The following CNTN4 variants were observed in gnomAD, a reference collection of about 807,000 sequenced individuals.
The protein encoded by CNTN4 is contactin-4.
CNTN4 carries 77 observed loss-of-function variants against 122.5 expected under a neutral mutation model. That is an observed-to-expected ratio of 0.63 (90% CI 0.52 to 0.76). The LOEUF (loss-of-function observed/expected upper bound fraction) is 0.76, where lower values mean the gene tolerates loss of function less well. Ranked by LOEUF, CNTN4 falls within the 30% of genes least tolerant of loss-of-function variation. The pLI, the probability that CNTN4 is intolerant of heterozygous loss-of-function variation, is 0.00. For missense variants in CNTN4, 1,256 were observed against 1,259.1 expected (o/e 1.00, Z 0.04); for synonymous variants, 512 against 447.0 (o/e 1.15, Z -1.83).
intron 4 of CNTN4, among the ~76,000 whole-genome samples, chr3:2,592,173 G>T (rs993030231): frequency 1.3e-5 from 2 of 152,090 alleles, no homozygotes; most frequent in African/African-American, 4.8e-5. Flanking sequence ...GAGCCACTGT[G>T]CCCGGCCTTC....
At chr3:2,127,285 ATCAGAGAACTT>A (rs1305288025) in intron 2 of CNTN4, among the ~76,000 whole-genome samples, 2 of 152,142 alleles carry the variant, frequency 1.3e-5, no homozygotes, top group African/African-American at 4.8e-5. Context: ...AGCCAAGTCC[ATCAGAGAACTT>A]TCAGAAGTAC....
intron 2 of CNTN4, among the ~76,000 whole-genome samples, chr3:2,160,922 C>T (rs2035939542): frequency 6.6e-6 from 1 of 151,478 alleles, no homozygotes; most frequent in African/African-American, 2.4e-5. Context: ...AGGTATAATC[C>T]CTCTTGCCTG....
intron 13 of CNTN4, among the ~76,000 whole-genome samples, chr3:2,963,395 T>C (rs1203529604): frequency 6.6e-6 from 1 of 152,244 alleles, no homozygotes; most frequent in Admixed American, 6.5e-5. Context: ...GGCGTCAAGA[T>C]GGTCTAGAAA....
chr3:2,991,062 A>G (rs1357162503), intron 14 of CNTN4, among the ~76,000 whole-genome samples: 1 of 152,194 alleles, frequency 6.6e-6, no homozygotes, highest in Non-Finnish European at 1.5e-5. Context: ...TGAAGATGGT[A>G]TATGTGAATG....
chr3:2,800,006 A>G (rs939933944), intron 6 of CNTN4, among the ~76,000 whole-genome samples: 2 of 150,258 alleles, frequency 1.3e-5, no homozygotes, highest in African/African-American at 4.9e-5. Flanking sequence ...CTATTTTTAT[A>G]CCAGTTCCAT....
chr3:2,871,367 T>C (rs189919300), intron 8 of CNTN4, among the ~76,000 whole-genome samples: 104 of 152,334 alleles, frequency 6.8e-4, no homozygotes, highest in Admixed American at 9.8e-4. Flanking sequence ...AGTGTATAGA[T>C]CATATTATTC....
intron 2 of CNTN4, among the ~76,000 whole-genome samples, chr3:2,167,426 A>G (rs1354449108): frequency 6.6e-6 from 1 of 152,232 alleles, no homozygotes; most frequent in African/African-American, 2.4e-5. Flanking sequence ...GGCTATTTTT[A>G]CCAAAAAATC....
At chr3:2,678,550 T>C (rs1305524249) in intron 4 of CNTN4, among the ~76,000 whole-genome samples, 1 of 152,210 alleles carries the variant, frequency 6.6e-6, no homozygotes, top group Non-Finnish European at 1.5e-5. Flanking sequence ...AGTTGCTTGA[T>C]GTAAGTGACC....
At chr3:2,865,674 T>C (rs987303485) in intron 7 of CNTN4, among the ~76,000 whole-genome samples, 3 of 152,174 alleles carry the variant, frequency 2.0e-5, no homozygotes, top group African/African-American at 7.2e-5. Flanking sequence ...ATCTGGAAAT[T>C]ACACTTTAAA....
intron 13 of CNTN4, among the ~76,000 whole-genome samples, chr3:2,936,588 C>T (rs1162326723): frequency 6.6e-6 from 1 of 152,120 alleles, no homozygotes; most frequent in Non-Finnish European, 1.5e-5. Context: ...CACCTTTACC[C>T]TCAGTTTTTG....
chr3:2,952,479 C>A (rs1475684467), intron 13 of CNTN4, among the ~76,000 whole-genome samples: 1 of 152,144 alleles, frequency 6.6e-6, no homozygotes, highest in African/African-American at 2.4e-5. Flanking sequence ...ATGGCTCTAA[C>A]CTCTAACCAC....
intron 14 of CNTN4, among the ~76,000 whole-genome samples, chr3:3,016,670 C>A (rs1365983480): frequency 6.6e-6 from 1 of 152,134 alleles, no homozygotes; most frequent in Non-Finnish European, 1.5e-5. Flanking sequence ...TAAATAGGTG[C>A]TTTATGCTAC....
chr3:2,648,441 C>A (rs1462364922), intron 4 of CNTN4, among the ~76,000 whole-genome samples: 1 of 152,148 alleles, frequency 6.6e-6, no homozygotes, highest in African/African-American at 2.4e-5. Context: ...GTAATTGTCA[C>A]AATAGTTCAA....
chr3:2,482,530 T>C (rs996932063), intron 3 of CNTN4, among the ~76,000 whole-genome samples: 4 of 152,206 alleles, frequency 2.6e-5, no homozygotes, highest in Middle Eastern at 6.8e-3. Context: ...ATGGGGAAAC[T>C]GTCCCCAGGG....
chr3:2,357,474 C>A (rs1190524075), intron 3 of CNTN4, among the ~76,000 whole-genome samples: 1 of 152,186 alleles, frequency 6.6e-6, no homozygotes, highest in Non-Finnish European at 1.5e-5. Context: ...CCTTAATTCA[C>A]TATCGCTGTC....
At chr3:2,104,797 C>A (rs13065219) in intron 2 of CNTN4, among the ~76,000 whole-genome samples, 25,818 of 152,180 alleles carry the variant, frequency 0.17, 2,871 homozygotes, top group Admixed American at 0.31. Context: ...TCACAGGTTT[C>A]CAATGAAAGC....
Position 2,653,208 on chromosome 3 carries a change from A to C in CNTN4, c.55+81650A>C, listed in dbSNP as rs1282165981. The stretch of plus-strand genomic sequence containing the variant: ...TCCACAATTTTTAAAAATTGTAAAA[A>C]AAGCAAGGACTTTTTTTATTTTTAT... On this transcript the variant is annotated intron_variant, in intron 4 of 24. Coordinates refer to ENST00000418658, the MANE Select transcript of CNTN4 (RefSeq NM_175607.3). Among the ~76,000 whole-genome samples the C allele has an allele frequency of 5.3e-5, 8 of 152,244 alleles. No homozygotes were observed. The South Asian group carries it at 1.0e-3, about 20-fold the overall frequency.
At chr3:2,409,793 A>G (rs934770476) in intron 3 of CNTN4, among the ~76,000 whole-genome samples, 2 of 152,150 alleles carry the variant, frequency 1.3e-5, no homozygotes. Flanking sequence ...TATATTATCT[A>G]TGTATACACT....
intron 3 of CNTN4, chr3:2,511,556 C>T (rs2076887746): frequency 6.6e-6 from 1 of 152,278 alleles, no homozygotes; most frequent in Admixed American, 6.5e-5. Flanking sequence ...CCCATTATCT[C>T]CCAGCTGCCT....
Sources: gnomAD v4.1 joint callset for allele counts (sites outside exome capture counted in the v4.1 genomes callset) on GRCh38, gnomAD v4.1.1 for gene constraint, MANE v1.5 for transcripts, NCBI Gene and HGNC (gene_info 2026-07-23, HGNC 2026-07-21) for gene names.